DOCK1: variants seen among roughly 807,000 people sequenced by gnomAD.
The protein encoded by DOCK1 is dedicator of cytokinesis protein 1.
DOCK1 carries 138 observed loss-of-function variants against 262.7 expected under a neutral mutation model. That is an observed-to-expected ratio of 0.53 (90% confidence interval 0.46 to 0.61). The LOEUF (loss-of-function observed/expected upper bound fraction) is 0.61, where lower values mean the gene tolerates loss of function less well. Ranked by LOEUF, DOCK1 falls within the 20% of genes least tolerant of loss-of-function variation. The pLI, the probability that DOCK1 is intolerant of heterozygous loss-of-function variation, is 0.00. For missense variants in DOCK1, 1,908 were observed against 2,370.7 expected (o/e 0.80, Z 4.05); for synonymous variants, 866 against 867.4 (o/e 1.00, Z 0.03).
At chr10:127,278,471 C>T (rs2060826374) in intron 29 of DOCK1, among the ~76,000 whole-genome samples, 1 of 152,152 alleles carries the variant, frequency 6.6e-6, no homozygotes, top group South Asian at 2.1e-4. Flanking sequence ...GTTTTGTTCT[C>T]CCTTTTCCAG....
chr10:126,911,176 A>T (rs2031708977), intron 1 of DOCK1, among the ~76,000 whole-genome samples: 1 of 152,120 alleles, frequency 6.6e-6, no homozygotes, highest in Admixed American at 6.6e-5. Context: ...TGTATATGTG[A>T]TTGTAGATTT....
chr10:127,257,536 G>C (rs1337315589), intron 29 of DOCK1, 107 bp downstream of exon 29: 1 of 980,416 alleles, frequency 1.0e-6, no homozygotes, highest in Non-Finnish European at 1.5e-6. Context: ...AAAATGCTCT[G>C]CAAACGCTGT....
At chr10:127,084,207 T>C (rs759606450) in intron 23 of DOCK1, among the ~76,000 whole-genome samples, 6 of 152,222 alleles carry the variant, frequency 3.9e-5, no homozygotes, top group Non-Finnish European at 8.8e-5. Context: ...ATTAGGAAGA[T>C]CATGCATAAA....
chr10:127,147,236 T>A (rs1221525349), intron 27 of DOCK1, among the ~76,000 whole-genome samples: 1 of 152,188 alleles, frequency 6.6e-6, no homozygotes, highest in Non-Finnish European at 1.5e-5. Context: ...TTCTCCAGCC[T>A]GTCTAAGGGG....
At chr10:127,076,364 G>A (rs1324432543) in intron 23 of DOCK1, among the ~76,000 whole-genome samples, 4 of 152,178 alleles carry the variant, frequency 2.6e-5, no homozygotes, top group Admixed American at 1.3e-4. Context: ...AGCTAGGCGT[G>A]GTGGCTGGCG....
chr10:127,026,145 G>A, intron 15 of DOCK1: 1 of 562,266 alleles, frequency 1.8e-6, no homozygotes, highest in Non-Finnish European at 3.1e-6. Context: ...CACGGAGTCA[G>A]TTGGCTTGGC....
chr10:127,238,090 G>C (rs985139469), intron 27 of DOCK1, among the ~76,000 whole-genome samples: 4 of 152,156 alleles, frequency 2.6e-5, no homozygotes, highest in African/African-American at 9.7e-5. Context: ...ATGAATAACT[G>C]CTCTGTAGGC....
intron 37 of DOCK1, among the ~76,000 whole-genome samples, chr10:127,383,329 T>C (rs921013971): frequency 2.0e-5 from 3 of 152,168 alleles, no homozygotes; most frequent in Non-Finnish European, 4.4e-5. Flanking sequence ...TGCAAGGAAG[T>C]CATTTGGATT....
intron 30 of DOCK1, among the ~76,000 whole-genome samples, chr10:127,342,300 G>A (rs961878414): frequency 1.2e-4 from 18 of 152,048 alleles, no homozygotes; most frequent in African/African-American, 3.6e-4. Flanking sequence ...CAAAAGGAAC[G>A]ACTTGTATTT....
intron 42 of DOCK1, 128 bp downstream of exon 42, chr10:127,409,519 T>C: frequency 2.0e-6 from 2 of 982,180 alleles, no homozygotes; most frequent in Non-Finnish European, 1.5e-6. Context: ...GCTCTTTCTG[T>C]CCTCTTTGAA....
Position 127,316,230 on chromosome 10 carries a change from G to T in DOCK1, c.3045-22776G>T, listed in dbSNP as rs187796444. Among the ~76,000 whole-genome samples the T allele has an allele frequency of 3.9e-5, 6 of 152,166 alleles. No homozygotes were observed. The East Asian group carries it at 5.8e-4, about 15-fold the overall frequency. On this transcript the variant is annotated intron_variant, in intron 29 of 51. Transcript: ENST00000623213. ...CATATGATACAATATTATTAACTCT[G>T]GTCCCGTGCTGTACCTAAGAGCTCT...
Position 127,112,238 on chromosome 10 carries a change from C to T in DOCK1, c.2623+1884C>T, listed in dbSNP as rs538896754. On this transcript the variant is annotated intron_variant, in intron 25 of 51. Coordinates refer to ENST00000623213, the MANE Select transcript of DOCK1 (RefSeq NM_001290223.2). ...TGTTGGTCAGGCTGGTCTCAAACTA[C>T]CGACCTCAAATGATCCACCCGCCTC... is the stretch of plus-strand genomic sequence containing the variant. Among the ~76,000 whole-genome samples the T allele has an allele frequency of 3.7e-4, 56 of 152,280 alleles. 1 individual carries two copies. Among genetic ancestry groups the T allele is most frequent in the Admixed American group, 1.2e-3 (19 of 15,290 alleles).
intron 47 of DOCK1, among the ~76,000 whole-genome samples, chr10:127,431,746 T>C (rs1416273403): frequency 2.0e-5 from 3 of 152,220 alleles, no homozygotes; most frequent in Non-Finnish European, 4.4e-5. Context: ...TTCTGTATTA[T>C]CTGTGGCTGC....
At chr10:127,122,801 C>T (rs147214222) in intron 25 of DOCK1, among the ~76,000 whole-genome samples, 60 of 152,170 alleles carry the variant, frequency 3.9e-4, no homozygotes, top group Middle Eastern at 3.4e-3. Context: ...TGAACGTTAC[C>T]ACCAGGTAAC....
chr10:127,247,424 A>T (rs2059469591), intron 27 of DOCK1, among the ~76,000 whole-genome samples: 3 of 151,854 alleles, frequency 2.0e-5, no homozygotes, highest in Non-Finnish European at 4.4e-5. Context: ...GCACAGGGGG[A>T]TACAGGCTGA....
At chr10:126,933,874 G>T (rs1022823256) in intron 1 of DOCK1, among the ~76,000 whole-genome samples, 1 of 151,972 alleles carries the variant, frequency 6.6e-6, no homozygotes, top group African/African-American at 2.4e-5. Context: ...GAGTTCAATG[G>T]TGTGATCTCC....
At chr10:127,115,979 AGTTT>A (rs1477685470) in intron 25 of DOCK1, among the ~76,000 whole-genome samples, 1 of 152,090 alleles carries the variant, frequency 6.6e-6, no homozygotes, top group Admixed American at 6.5e-5. Context: ...GTCCTCACTT[AGTTT>A]GTTTTGGATG....
chr10:127,026,372 C>T lies in DOCK1; in HGVS notation c.1572C>T (p.Asp524=), dbSNP rs370668962. The T allele has an allele frequency of 1.2e-4, 187 of 1,572,770 alleles. No homozygotes were observed. Among genetic ancestry groups the T allele is most frequent in the Non-Finnish European group, 1.5e-4 (179 of 1,157,654 alleles). Residue 524 remains aspartate, a synonymous_variant, in exon 16 of 52, where the codon GAC becomes GAT. Coordinates refer to ENST00000623213, the MANE Select transcript of DOCK1 (RefSeq NM_001290223.2). ...TGAAGGTGGCCATTCCCATCGAGGA[C>T]GTTAACCGCAGTCACCTTCGGTTTA... is the stretch of plus-strand genomic sequence containing the variant. The part of the protein sequence containing the change: ...ETVKVAIPIE[D]VNRSHLRFTF...
At chr10:127,044,503 G>A (rs185016419) in intron 21 of DOCK1, among the ~76,000 whole-genome samples, 175 of 152,278 alleles carry the variant, frequency 1.1e-3, no homozygotes, top group African/African-American at 4.1e-3. Flanking sequence ...ACAGACCGTG[G>A]GGAGGGTGCA....
Sources: allele counts gnomAD v4.1 joint callset (sites outside exome capture counted in the v4.1 genomes callset), GRCh38; gene constraint gnomAD v4.1.1; transcripts MANE v1.5; gene names NCBI Gene and HGNC (gene_info 2026-07-23, HGNC 2026-07-21).